CDKAL1: variants seen among roughly 807,000 people sequenced by gnomAD.
The protein encoded by CDKAL1 is CDKAL1 threonylcarbamoyladenosine tRNA methylthiotransferase.
CDKAL1 carries 32 observed loss-of-function variants against 68.2 expected under a neutral mutation model. The observed-to-expected ratio is 0.47, with a 90% confidence interval of 0.35 to 0.63. The LOEUF (loss-of-function observed/expected upper bound fraction) is 0.63. Among genes scored for constraint, CDKAL1 ranks in the 30% least tolerant of loss-of-function variants. The pLI, the probability that CDKAL1 is intolerant of heterozygous loss-of-function variation, is 0.00. For synonymous variants in CDKAL1, 234 were observed against 244.3 expected, an observed-to-expected ratio of 0.96 and a Z score of 0.39; for missense variants, 606 against 696.7, an observed-to-expected ratio of 0.87 and a Z score of 1.47.
At chr6:20,971,330 C>G (rs748842527) in intron 10 of CDKAL1, among the ~76,000 whole-genome samples, 1 of 152,280 alleles carries the variant, frequency 6.6e-6, no homozygotes, top group African/African-American at 2.4e-5. Flanking sequence ...TTCACTATGC[C>G]GTGTCACACC....
chr6:20,597,937 C>T (rs1232377809), intron 4 of CDKAL1, among the ~76,000 whole-genome samples: 1 of 152,116 alleles, frequency 6.6e-6, no homozygotes, highest in Non-Finnish European at 1.5e-5. Flanking sequence ...GTGAGAGAAA[C>T]GTGGTGGTGA....
intron 4 of CDKAL1, among the ~76,000 whole-genome samples, chr6:20,630,415 G>A (rs1366276391): frequency 6.6e-6 from 1 of 151,940 alleles, no homozygotes; most frequent in East Asian, 1.9e-4. Flanking sequence ...TCTTTATGCT[G>A]AATTTGTCTA....
At chr6:21,150,076 T>G (rs1198608119) in intron 13 of CDKAL1, among the ~76,000 whole-genome samples, 3 of 152,058 alleles carry the variant, frequency 2.0e-5, no homozygotes, top group African/African-American at 7.2e-5. Flanking sequence ...GCCAGGTTGG[T>G]CTCGATCTCC....
intron 9 of CDKAL1, among the ~76,000 whole-genome samples, chr6:20,933,103 C>T (rs1763543968): frequency 6.6e-6 from 1 of 152,180 alleles, no homozygotes; most frequent in Non-Finnish European, 1.5e-5. Flanking sequence ...GTGCTTCCCC[C>T]TCTGAATCAC....
intron 8 of CDKAL1, among the ~76,000 whole-genome samples, chr6:20,812,350 T>C (rs566525079): frequency 1.3e-5 from 2 of 152,316 alleles, no homozygotes; most frequent in South Asian, 4.1e-4. Flanking sequence ...CTATTGCTTA[T>C]TGGCTAGTGG....
At chr6:20,841,180 TTA>T (rs1234952371) in intron 8 of CDKAL1, among the ~76,000 whole-genome samples, 2 of 152,152 alleles carry the variant, frequency 1.3e-5, no homozygotes, top group African/African-American at 4.8e-5. Flanking sequence ...CTCTATCAAT[TTA>T]TGAAAAACAA....
chr6:21,149,136 T>C (rs1776297904), intron 13 of CDKAL1, among the ~76,000 whole-genome samples: 1 of 152,068 alleles, frequency 6.6e-6, no homozygotes, highest in African/African-American at 2.4e-5. Context: ...TGTAATTTAC[T>C]TCAAAAAACT....
At chr6:20,860,186 T>C (rs1460298665) in intron 9 of CDKAL1, among the ~76,000 whole-genome samples, 2 of 152,138 alleles carry the variant, frequency 1.3e-5, no homozygotes, top group Non-Finnish European at 2.9e-5. Flanking sequence ...CAAGCTATTC[T>C]CCTGCCTCAG....
intron 11 of CDKAL1, among the ~76,000 whole-genome samples, chr6:21,013,453 A>G (rs1269546347): frequency 6.6e-6 from 1 of 152,206 alleles, no homozygotes; most frequent in Non-Finnish European, 1.5e-5. Context: ...CATACACTCC[A>G]TAATAATCGC....
chr6:21,085,011 A>G (rs1416835136), intron 12 of CDKAL1, among the ~76,000 whole-genome samples: 1 of 152,360 alleles, frequency 6.6e-6, no homozygotes, highest in South Asian at 2.1e-4. Context: ...ATTCATACTG[A>G]TAATTTGTCA....
intron 12 of CDKAL1, among the ~76,000 whole-genome samples, chr6:21,073,325 A>C (rs1771896756): frequency 6.6e-6 from 1 of 152,208 alleles, no homozygotes; most frequent in African/African-American, 2.4e-5. Context: ...TGTTCAGCTC[A>C]TTTGGATAAA....
At chr6:21,008,111 G>T (rs898272761) in intron 11 of CDKAL1, among the ~76,000 whole-genome samples, 1 of 152,128 alleles carries the variant, frequency 6.6e-6, no homozygotes, top group African/African-American at 2.4e-5. Flanking sequence ...AGTTTAGGTA[G>T]GAAAGATGAG....
At chr6:20,785,632 G>A (rs1411801277) in intron 8 of CDKAL1, among the ~76,000 whole-genome samples, 2 of 151,864 alleles carry the variant, frequency 1.3e-5, no homozygotes, top group Non-Finnish European at 2.9e-5. Context: ...TTTTCATGCT[G>A]GTGGAGCTCA....
At chr6:20,909,935 A>C (rs1561876944) in intron 9 of CDKAL1, among the ~76,000 whole-genome samples, 1 of 152,214 alleles carries the variant, frequency 6.6e-6, no homozygotes, top group Non-Finnish European at 1.5e-5. Flanking sequence ...TAATACAATG[A>C]TTAAATCCAC....
chr6:20,889,191 A>G (rs1322377238), intron 9 of CDKAL1, among the ~76,000 whole-genome samples: 1 of 151,708 alleles, frequency 6.6e-6, no homozygotes, highest in South Asian at 2.1e-4. Flanking sequence ...GTCTGTTCAT[A>G]TCCTTTGCCC....
At chr6:20,827,248 A>G (rs1777538993) in intron 8 of CDKAL1, among the ~76,000 whole-genome samples, 1 of 152,110 alleles carries the variant, frequency 6.6e-6, no homozygotes, top group Admixed American at 6.6e-5. Flanking sequence ...TTACCTTTCC[A>G]TTCCTTGGCT....
intron 6 of CDKAL1, among the ~76,000 whole-genome samples, chr6:20,753,344 C>T (rs1028373544): frequency 1.6e-4 from 5 of 31,350 alleles, no homozygotes; most frequent in African/African-American, 4.4e-4. Context: ...TCAGGCACCA[C>T]GTAACAAACT....
In CDKAL1 at chr6:21,107,149, G is replaced by A. The variant is rs4526186; in HGVS notation, c.1237-1252G>A. 7.7e-3 allele frequency among the ~76,000 whole-genome samples: 1,163 copies of A among 151,752 alleles called. 11 individuals are homozygous for A. The highest frequency in any genetic ancestry group is 0.026 in the African/African-American group (1,060 of 41,352). On this transcript the variant is annotated intron_variant, in intron 12 of 15. Transcript: ENST00000274695. ...TTTTTAGTAGAGACGGGGTTTTACC[G>A]TGTTAGCCAGGATGGTCTCGATCTC... is the stretch of plus-strand genomic sequence containing the variant.
rs1453804656 is a variant in CDKAL1 at position 20,739,508 on chromosome 6, C to T, written c.372-11C>T. The T allele has an allele frequency of 3.8e-6, 6 of 1,572,014 alleles. No homozygotes were observed. Among genetic ancestry groups the T allele is most frequent in the Non-Finnish European group, 5.2e-6 (6 of 1,144,924 alleles). On this transcript the variant is annotated splice_polypyrimidine_tract_variant and intron_variant, in intron 5 of 15. Coordinates refer to ENST00000274695, the MANE Select transcript of CDKAL1 (RefSeq NM_017774.3). ...AAAGGAATTCACATTGTCTTCTCTTCAATCTTTTAGAAAAGCTCAAGAGGA... is the reference window on the plus strand; with the variant it reads ...AAAGGAATTCACATTGTCTTCTCTTTAATCTTTTAGAAAAGCTCAAGAGGA...
Sources: gnomAD v4.1 joint callset for allele counts (sites outside exome capture counted in the v4.1 genomes callset) on GRCh38, gnomAD v4.1.1 for gene constraint, MANE v1.5 for transcripts, NCBI Gene and HGNC (gene_info 2026-07-23, HGNC 2026-07-21) for gene names.